The following RBFOX2 variants were observed in gnomAD, a reference collection of about 807,000 sequenced individuals.
RBFOX2 encodes RNA binding fox-1 homolog 2.
Under a neutral mutation model 49.1 loss-of-function variants are expected in RBFOX2, and 10 were observed. The ratio of observed to expected loss-of-function variants is 0.20; its 90% confidence interval spans 0.13 to 0.35. The LOEUF (loss-of-function observed/expected upper bound fraction) is 0.35. RBFOX2 is among the 10% of genes least tolerant of loss of function. The pLI, the probability that RBFOX2 is intolerant of heterozygous loss-of-function variation, is 1.00. For synonymous variants in RBFOX2, 183 were observed against 187.4 expected, an observed-to-expected ratio of 0.98 and a Z score of 0.19; for missense variants, 323 against 486.9, an observed-to-expected ratio of 0.66 and a Z score of 3.17.
At chr22:36,011,180 C>A (rs1187577037) in intron 1 of RBFOX2, among the ~76,000 whole-genome samples, 1 of 152,132 alleles carries the variant, frequency 6.6e-6, no homozygotes, top group Non-Finnish European at 1.5e-5. Flanking sequence ...CGATAGCTGA[C>A]CCACAATGTG....
At position 35,781,922 on chromosome 22, in the gene RBFOX2, T is replaced by C. The variant is rs1262027434; in HGVS notation, c.253-176A>G. Reference sequence around the variant, plus strand: ...CAACAAAACACAAAGATGCTATTAATGTTCTAAATGCTACCGTCTACAAAC... The same window carrying C: ...CAACAAAACACAAAGATGCTATTAACGTTCTAAATGCTACCGTCTACAAAC... On this transcript the variant is annotated intron_variant, in intron 2 of 11. Transcript: ENST00000405409. 2.6e-5 allele frequency among the ~76,000 whole-genome samples: 4 copies of C among 152,332 alleles called. No individual in the cohort carries two copies. In the East Asian group the frequency reaches 5.8e-4, roughly 22 times the overall value.
intron 1 of RBFOX2, among the ~76,000 whole-genome samples, chr22:35,828,771 G>A (rs771526137): frequency 3.9e-5 from 6 of 152,196 alleles, no homozygotes; most frequent in Non-Finnish European, 8.8e-5. Context: ...AAGACCTGAG[G>A]TCGGGCGTGG....
chr22:35,843,743 G>A (rs2040812051), upstream of RBFOX2, among the ~76,000 whole-genome samples: 1 of 152,144 alleles, frequency 6.6e-6, no homozygotes, highest in East Asian at 1.9e-4. Flanking sequence ...CTTGCAAGGT[G>A]TCATCCTCAG....
chr22:35,743,668 G>A (rs1403777892), exon 12 of RBFOX2: 1 of 152,564 alleles, frequency 6.6e-6, no homozygotes, highest in African/African-American at 2.4e-5. Flanking sequence ...ATCAGCATGT[G>A]GATTCCAGCC....
At chr22:35,978,344 T>C (rs924194210) in intron 1 of RBFOX2, among the ~76,000 whole-genome samples, 1 of 152,148 alleles carries the variant, frequency 6.6e-6, no homozygotes, top group Non-Finnish European at 1.5e-5. Context: ...TATGGAAATA[T>C]AGATGTATAT....
chr22:36,012,209 T>C (rs1320136559), intron 1 of RBFOX2, among the ~76,000 whole-genome samples: 1 of 152,128 alleles, frequency 6.6e-6, no homozygotes. Context: ...GCCAAACCAA[T>C]GAAATTCCTT....
Position 36,010,460 on chromosome 22 carries a change from G to A in RBFOX2, c.186+17780C>T, listed in dbSNP as rs557071201. ...AGCCTTGGGACCACAAAGACTGCAC[G>A]GTGAGATTAGAACTGAGTAGAGGTC... On this transcript the variant is annotated intron_variant, in intron 1 of 13. Coordinates refer to the RBFOX2 transcript ENST00000438146. 3.9e-5 allele frequency among the ~76,000 whole-genome samples: 6 copies of A among 151,980 alleles called. No homozygotes were observed. In the East Asian group the frequency reaches 9.7e-4, roughly 24 times the overall value.
chr22:35,869,369 G>C (rs2044071306), intron 1 of RBFOX2, among the ~76,000 whole-genome samples: 1 of 149,610 alleles, frequency 6.7e-6, no homozygotes, highest in South Asian at 2.1e-4. Context: ...GTCCAGTCCA[G>C]GCTGGTCTGG....
chr22:35,882,271 A>C (rs2046005347), intron 1 of RBFOX2, among the ~76,000 whole-genome samples: 1 of 152,208 alleles, frequency 6.6e-6, no homozygotes, highest in Non-Finnish European at 1.5e-5. Context: ...GATCAGTGAT[A>C]GAATATTCTA....
rs563130731 is a variant in RBFOX2, at chr22:35,846,141, CAT to C, written c.-33-36139_-33-36138del. 3.9e-3 allele frequency among the ~76,000 whole-genome samples: 579 copies of C among 148,442 alleles called. 2 individuals are homozygous for C. The highest frequency in any genetic ancestry group is 7.2e-3 in the Middle Eastern group (2 of 276). ...ACTATATAAGTATAAACTATACTTG[CAT>C]ATGTTAATATAATTACATACACTAT... On this transcript the variant is annotated intron_variant, in intron 1 of 13. Coordinates refer to the RBFOX2 transcript ENST00000359369.
exon 8 of RBFOX2, chr22:35,761,228 C>T (rs773028175): frequency 9.3e-6 from 15 of 1,613,848 alleles, no homozygotes; most frequent in African/African-American, 1.3e-5. Flanking sequence ...AGTGTTGATA[C>T]CCCCTCTTCC....
chr22:35,793,647 C>G (rs894195688), intron 2 of RBFOX2, among the ~76,000 whole-genome samples: 1 of 152,054 alleles, frequency 6.6e-6, no homozygotes, highest in Admixed American at 6.6e-5. Flanking sequence ...TTTTTAGACA[C>G]AGAAAAGTGA....
chr22:35,892,792 G>T (rs1217570986), intron 1 of RBFOX2, among the ~76,000 whole-genome samples: 1 of 152,194 alleles, frequency 6.6e-6, no homozygotes, highest in Non-Finnish European at 1.5e-5. Flanking sequence ...AGAATCAGAA[G>T]AGGTTCAGTT....
chr22:35,761,515 A>G (rs760176667), intron 6 of RBFOX2, 47 bp from the exon 8 acceptor site: 20 of 1,599,848 alleles, frequency 1.3e-5, no homozygotes, highest in South Asian at 5.5e-5. Context: ...TGTTTGAGGA[A>G]AGGGATGATC....
Position 35,892,550 on chromosome 22 carries a change from G to A in RBFOX2, c.-34+46297C>T, listed in dbSNP as rs553137336. Among the ~76,000 whole-genome samples, 15 of 152,258 alleles carry A rather than the reference G, an allele frequency of 9.9e-5. No homozygotes were observed. In the South Asian group the frequency reaches 2.3e-3, roughly 23 times the overall value. ...CTTCAATTCTACAGGTTCTAAAAAT[G>A]CCCATCTGCACCAATTCAGAGGTAC... On this transcript the variant is annotated intron_variant, in intron 1 of 13. Transcript: ENST00000359369.
intron 2 of RBFOX2, among the ~76,000 whole-genome samples, chr22:35,802,138 T>C (rs541859556): frequency 1.0e-3 from 158 of 152,256 alleles, no homozygotes; most frequent in Non-Finnish European, 1.6e-3. Flanking sequence ...AATGTAAATA[T>C]ATGTATATTT....
At chr22:35,746,377 G>C in intron 10 of RBFOX2, 96 bp downstream of exon 12, 1 of 1,133,684 alleles carries the variant, frequency 8.8e-7, no homozygotes, top group Non-Finnish European at 1.3e-6. Flanking sequence ...TGTGCTAAGA[G>C]CTGCTGTGGA....
chr22:35,894,285 C>T (rs1031097368), intron 1 of RBFOX2, among the ~76,000 whole-genome samples: 3 of 152,312 alleles, frequency 2.0e-5, no homozygotes, highest in African/African-American at 7.2e-5. Context: ...GGCTTAATTA[C>T]TTTCCTCACA....
In RBFOX2 at chr22:35,746,137, A is replaced by C; in HGVS notation, c.977-142T>G. On this transcript the variant is annotated intron_variant, in intron 10 of 11. Transcript: ENST00000405409. ...ACTGGAATTACAAGGAATAGGAAAA[A>C]ACCTTTCTATTTCTACTCCCAAATG... 5.2e-6 allele frequency: 4 copies of C among 770,152 alleles called. No individual in the cohort carries two copies. In the South Asian group the frequency reaches 7.2e-5, roughly 14 times the overall value. The allele number at this position is 770,152 out of a possible 1,614,324, so 47.7% of individuals were successfully genotyped here.
Sources: allele counts gnomAD v4.1 joint callset (sites outside exome capture counted in the v4.1 genomes callset), GRCh38; gene constraint gnomAD v4.1.1; transcripts MANE v1.5; gene names NCBI Gene and HGNC (gene_info 2026-07-23, HGNC 2026-07-21).